Variants in NCOA2 observed in about 807,000 individuals in gnomAD.
The protein encoded by NCOA2 is nuclear receptor coactivator 2.
A neutral mutation model predicts 145.1 loss-of-function variants in NCOA2; 21 were observed. That is an observed-to-expected ratio of 0.14 (90% CI 0.10 to 0.21). NCOA2 has a LOEUF of 0.21. NCOA2 is among the 10% of genes least tolerant of loss of function. The pLI is 1.00. For missense variants in NCOA2, 1,472 were observed against 1,837.6 expected, an observed-to-expected ratio of 0.80 and a Z score of 3.64; for synonymous variants, 619 against 637.5, an observed-to-expected ratio of 0.97 and a Z score of 0.44.
At chr8:70,386,203 G>A (rs978155717) in intron 1 of NCOA2, among the ~76,000 whole-genome samples, 1 of 152,162 alleles carries the variant, frequency 6.6e-6, no homozygotes, top group Admixed American at 6.5e-5. Context: ...ATTACAAACA[G>A]ATTTCTAGAT....
At chr8:70,229,485 T>A (rs186209285) in intron 2 of NCOA2, among the ~76,000 whole-genome samples, 1 of 152,118 alleles carries the variant, frequency 6.6e-6, no homozygotes, top group African/African-American at 2.4e-5. Flanking sequence ...TGGGTGAGCA[T>A]GTATAAGAGA....
chr8:70,252,975 A>T (rs1343005785), intron 2 of NCOA2, among the ~76,000 whole-genome samples: 1 of 152,244 alleles, frequency 6.6e-6, no homozygotes, highest in Non-Finnish European at 1.5e-5. Flanking sequence ...TAGCACCTTC[A>T]GCCTGTTCTG....
At chr8:70,242,421 G>A (rs184003588) in intron 2 of NCOA2, among the ~76,000 whole-genome samples, 30 of 152,182 alleles carry the variant, frequency 2.0e-4, no homozygotes, top group African/African-American at 6.5e-4. Context: ...CCATAACCCT[G>A]CATGTTAACT....
intron 2 of NCOA2, among the ~76,000 whole-genome samples, chr8:70,250,698 A>C (rs1448900190): frequency 6.6e-6 from 1 of 151,586 alleles, no homozygotes; most frequent in Non-Finnish European, 1.5e-5. Context: ...AAAAGGTGAC[A>C]AATCTTTAAT....
chr8:70,179,607 C>G (rs534170020), intron 4 of NCOA2, among the ~76,000 whole-genome samples: 1 of 152,196 alleles, frequency 6.6e-6, no homozygotes, highest in Non-Finnish European at 1.5e-5. Context: ...CATTACTACA[C>G]TAAAACACAC....
At chr8:70,124,551 C>T (rs1009520795) in intron 20 of NCOA2, 137 bp downstream of exon 20, 1 of 793,650 alleles carries the variant, frequency 1.3e-6, no homozygotes, top group Non-Finnish European at 1.9e-6. Flanking sequence ...CTGTGGAAGG[C>T]GGTGACCTAG....
chr8:70,296,134 TG>T (rs761967176), intron 2 of NCOA2, among the ~76,000 whole-genome samples: 4 of 152,132 alleles, frequency 2.6e-5, no homozygotes, highest in Non-Finnish European at 5.9e-5. Flanking sequence ...AAGATAGAAA[TG>T]GTCCCGATGT....
chr8:70,334,258 T>C (rs933916856), intron 1 of NCOA2, among the ~76,000 whole-genome samples: 4 of 152,158 alleles, frequency 2.6e-5, no homozygotes, highest in Non-Finnish European at 4.4e-5. Context: ...AATCACAAAA[T>C]GGCCCATATA....
At chr8:70,307,699 T>C (rs908931914) in intron 1 of NCOA2, among the ~76,000 whole-genome samples, 1 of 152,206 alleles carries the variant, frequency 6.6e-6, no homozygotes, top group African/African-American at 2.4e-5. Flanking sequence ...AAAATTCATG[T>C]GGAGTATTTG....
At chr8:70,405,437 GTTTTTTTTTTTTT>G (rs34814735), upstream of NCOA2, among the ~76,000 whole-genome samples, 14 of 59,390 alleles carry the variant, frequency 2.4e-4, no homozygotes, top group Admixed American at 6.4e-4. Flanking sequence ...ATTTTTAAAG[GTTTTTTTTTTTTT>G]TTTTTTTTTT....
chr8:70,368,336 G>T (rs1810903643), intron 1 of NCOA2, among the ~76,000 whole-genome samples: 1 of 152,166 alleles, frequency 6.6e-6, no homozygotes, highest in Non-Finnish European at 1.5e-5. Flanking sequence ...ACACTAGGCT[G>T]GGACTTTAAC....
Position 70,305,342 on chromosome 8 carries a change from A to G in NCOA2, c.-76-8542T>C, listed in dbSNP as rs185176669. Among the ~76,000 whole-genome samples the G allele has an allele frequency of 1.1e-3, 163 of 152,248 alleles. 1 individual carries two copies. Among genetic ancestry groups the G allele is most frequent in the African/African-American group, 3.8e-3 (156 of 41,546 alleles). ...TGGTCACTGTCAATTCTCATCTCCT[A>G]CAGAGAGGTCAAATCTATCAACACA... On this transcript the variant is annotated intron_variant, in intron 1 of 22. Transcript: ENST00000452400.
At position 70,261,713 on chromosome 8, in the gene NCOA2, A is replaced by T. The variant is rs971051431; in HGVS notation, c.-20+35031T>A. Among the ~76,000 whole-genome samples, 6 of 152,308 alleles carry T rather than the reference A, an allele frequency of 3.9e-5. No individual in the cohort carries two copies. The South Asian group carries it at 1.0e-3, about 26-fold the overall frequency. ...ATAATCACAATAATTACTGAAACAT[A>T]AACTAGTGAGTGAACAAAGCAGACA... On this transcript the variant is annotated intron_variant, in intron 2 of 22. Coordinates refer to ENST00000452400, the MANE Select transcript of NCOA2 (RefSeq NM_006540.4).
intron 2 of NCOA2, among the ~76,000 whole-genome samples, chr8:70,240,438 A>C (rs2134432826): frequency 6.6e-6 from 1 of 152,270 alleles, no homozygotes; most frequent in Middle Eastern, 3.4e-3. Flanking sequence ...CTATTCAAAC[A>C]GGAGATGCTC....
chr8:70,443,770 C>T, the NCOA2 span, among the ~76,000 whole-genome samples: 273 of 152,190 alleles, frequency 1.8e-3, no homozygotes, highest in Admixed American at 3.5e-3. Context: ...TGTGATCTTG[C>T]TATATTGCCC....
Position 70,389,639 on chromosome 8 carries a change from T to A in NCOA2, c.-77+14061A>T, listed in dbSNP as rs191720771. 2.4e-3 allele frequency among the ~76,000 whole-genome samples: 364 copies of A among 151,858 alleles called. 2 individuals carry two copies. The highest frequency in any genetic ancestry group is 8.3e-3 in the African/African-American group (342 of 41,432). ...TACAGAATGACAAGAACAAGGAGAA[T>A]GTCATCAAGTATGTCTGTAAGACAT... On this transcript the variant is annotated intron_variant, in intron 1 of 22. Coordinates refer to ENST00000452400, the MANE Select transcript of NCOA2 (RefSeq NM_006540.4).
chr8:70,118,165 G>A (rs1012575719), intron 22 of NCOA2, among the ~76,000 whole-genome samples: 2 of 152,230 alleles, frequency 1.3e-5, no homozygotes, highest in East Asian at 3.9e-4. Flanking sequence ...TAATCTCACT[G>A]TGGTGAATTC....
intron 15 of NCOA2, among the ~76,000 whole-genome samples, chr8:70,136,349 G>A (rs972522081): frequency 3.9e-5 from 6 of 152,150 alleles, no homozygotes; most frequent in African/African-American, 1.4e-4. Flanking sequence ...GCAACAAAGT[G>A]AGACTCTGTC....
intron 4 of NCOA2, among the ~76,000 whole-genome samples, chr8:70,194,531 T>G (rs1474100228): frequency 1.3e-5 from 2 of 152,186 alleles, no homozygotes; most frequent in East Asian, 3.9e-4. Flanking sequence ...ACATTCACTC[T>G]GACAGAAAAA....
Sources: allele counts gnomAD v4.1 joint callset (sites outside exome capture counted in the v4.1 genomes callset), GRCh38; gene constraint gnomAD v4.1.1; transcripts MANE v1.5; gene names NCBI Gene and HGNC (gene_info 2026-07-23, HGNC 2026-07-21).